Variants in UST observed in about 807,000 individuals in gnomAD.
UST encodes the protein uronyl 2-sulfotransferase, also known as chondroitin sulfate 2-O-sulfotransferase.
UST carries 21 observed loss-of-function variants against 45.6 expected under a neutral mutation model. The observed-to-expected ratio is 0.46, with a 90% CI of 0.33 to 0.66. The LOEUF (loss-of-function observed/expected upper bound fraction) is 0.66, where lower values mean the gene tolerates loss of function less well. UST is among the 30% of genes least tolerant of loss of function. The pLI is 0.02. For missense variants in UST, 463 were observed against 512.4 expected, an observed-to-expected ratio of 0.90 and a Z score of 0.93; for synonymous variants, 215 against 200.6, an observed-to-expected ratio of 1.07 and a Z score of -0.61.
chr6:149,051,376 A>C (rs1776483744), intron 7 of UST, among the ~76,000 whole-genome samples: 1 of 152,170 alleles, frequency 6.6e-6, no homozygotes, highest in Non-Finnish European at 1.5e-5. Flanking sequence ...TCTGAACCCC[A>C]TGGGCGCCTC....
At chr6:148,836,551 G>A (rs1416761081) in intron 1 of UST, among the ~76,000 whole-genome samples, 1 of 152,182 alleles carries the variant, frequency 6.6e-6, no homozygotes, top group Non-Finnish European at 1.5e-5. Context: ...GAACTTCTCT[G>A]AGCATTGGAT....
chr6:148,993,136 CAGTA>C (rs368352109), intron 5 of UST: 17 of 919,964 alleles, frequency 1.8e-5, no homozygotes, highest in Middle Eastern at 5.6e-4. Context: ...TTCTGAATGT[CAGTA>C]AGTTCGATTT....
intron 7 of UST, among the ~76,000 whole-genome samples, chr6:149,044,956 T>G (rs1776376952): frequency 6.6e-6 from 1 of 152,244 alleles, no homozygotes; most frequent in South Asian, 2.1e-4. Context: ...CTTTACAAAG[T>G]GAGCACATAG....
intron 2 of UST, among the ~76,000 whole-genome samples, chr6:148,889,808 C>T (rs1235273348): frequency 6.6e-6 from 1 of 152,004 alleles, no homozygotes; most frequent in African/African-American, 2.4e-5. Context: ...TTGTCAGTGC[C>T]TAGATTCGGT....
chr6:148,807,384 GGTTAGT>G (rs1208334428), intron 1 of UST, among the ~76,000 whole-genome samples: 1 of 152,158 alleles, frequency 6.6e-6, no homozygotes, highest in African/African-American at 2.4e-5. Flanking sequence ...CAGGCCTGTG[GGTTAGT>G]GGTTTCAATC....
chr6:148,988,388 A>G (rs576534338), intron 5 of UST, among the ~76,000 whole-genome samples: 1 of 152,024 alleles, frequency 6.6e-6, no homozygotes, highest in Non-Finnish European at 1.5e-5. Context: ...AGCCTGGCTA[A>G]CATGACGAAA....
At chr6:148,966,790 G>A (rs989451257) in intron 5 of UST, among the ~76,000 whole-genome samples, 8 of 152,206 alleles carry the variant, frequency 5.3e-5, no homozygotes, top group Admixed American at 1.3e-4. Context: ...AGGCTGGAGC[G>A]CAGTGGCAAG....
chr6:149,039,834 G>C (rs1193197639), intron 7 of UST, among the ~76,000 whole-genome samples: 1 of 151,966 alleles, frequency 6.6e-6, no homozygotes, highest in East Asian at 1.9e-4. Flanking sequence ...CTTTTTTTTG[G>C]CAGTTAACTC....
At chr6:148,968,570 C>T (rs752087128) in intron 5 of UST, among the ~76,000 whole-genome samples, 2 of 152,212 alleles carry the variant, frequency 1.3e-5, no homozygotes, top group Non-Finnish European at 2.9e-5. Context: ...CATGTCCAGC[C>T]TCCTTTATTT....
intron 1 of UST, among the ~76,000 whole-genome samples, chr6:148,875,752 C>G (rs1445837640): frequency 6.6e-6 from 1 of 152,184 alleles, no homozygotes. Flanking sequence ...TGCAGTCAGC[C>G]GAGATCGCAC....
At chr6:149,008,429 G>A (rs1775751292) in intron 5 of UST, among the ~76,000 whole-genome samples, 2 of 152,130 alleles carry the variant, frequency 1.3e-5, no homozygotes, top group African/African-American at 4.8e-5. Flanking sequence ...ACAATTTTCA[G>A]CATAAGAAGG....
chr6:148,958,487 T>A (rs911444416), intron 4 of UST, among the ~76,000 whole-genome samples: 2 of 152,206 alleles, frequency 1.3e-5, no homozygotes, highest in Non-Finnish European at 2.9e-5. Context: ...GAGAATTGAG[T>A]TAAAACTACC....
At chr6:148,955,816 A>T (rs745667655) in intron 4 of UST, 1 of 152,208 alleles carries the variant, frequency 6.6e-6, no homozygotes, top group Non-Finnish European at 1.5e-5. Context: ...TTACAACCAA[A>T]CAGATTGCAA....
rs1554234077 is a variant in UST at position 149,010,913 on chromosome 6, A to AC, written c.682-8226_682-8225insC. 3.6e-3 allele frequency among the ~76,000 whole-genome samples: 336 copies of AC among 93,000 alleles called. 12 individuals are homozygous for AC. Among genetic ancestry groups the AC allele is most frequent in the African/African-American group, 0.011 (245 of 22,946 alleles). 61.0% of individuals were successfully genotyped at this position (93,000 alleles called of 152,430 possible). On this transcript the variant is annotated intron_variant, in intron 5 of 7. Transcript: ENST00000367463. The stretch of plus-strand genomic sequence containing the variant: ...TCTCAACCAAAAAAAAAAAAAAAAA[A>AC]AAAAAACTGTGACTATTTATTTGTC...
chr6:149,045,936 G>A (rs1355218477), intron 7 of UST, among the ~76,000 whole-genome samples: 1 of 152,126 alleles, frequency 6.6e-6, no homozygotes, highest in African/African-American at 2.4e-5. Context: ...GCTTAGAAAT[G>A]TTCTAGATAT....
chr6:148,801,954 G>A (rs1777064607), intron 1 of UST, among the ~76,000 whole-genome samples: 1 of 152,184 alleles, frequency 6.6e-6, no homozygotes, highest in South Asian at 2.1e-4. Context: ...CTTTGCATGA[G>A]TGATTCTGTC....
At chr6:148,754,090 G>A (rs1452175455) in intron 1 of UST, among the ~76,000 whole-genome samples, 1 of 151,572 alleles carries the variant, frequency 6.6e-6, no homozygotes, top group Non-Finnish European at 1.5e-5. Context: ...TGCCTCCCAG[G>A]TACACGCCAT....
intron 1 of UST, among the ~76,000 whole-genome samples, chr6:148,749,832 A>G (rs1775953899): frequency 6.6e-6 from 1 of 152,236 alleles, no homozygotes; most frequent in Admixed American, 6.5e-5. Flanking sequence ...CTAGCTGATC[A>G]TTATATTTCT....
chr6:149,058,724 G>C (rs1036117104), intron 7 of UST, among the ~76,000 whole-genome samples: 4 of 152,022 alleles, frequency 2.6e-5, no homozygotes, highest in African/African-American at 2.4e-5. Flanking sequence ...TTAAGAAAGA[G>C]ATACATTTTG....
Sources: allele counts gnomAD v4.1 joint callset (sites outside exome capture counted in the v4.1 genomes callset), GRCh38; gene constraint gnomAD v4.1.1; transcripts MANE v1.5; gene names NCBI Gene and HGNC (gene_info 2026-07-23, HGNC 2026-07-21).